Variants in INTS7 observed in about 807,000 individuals in gnomAD.
The protein encoded by INTS7 is integrator complex subunit 7, also known as chromosome 1 open reading frame 73.
In INTS7, 46 loss-of-function variants were observed where a neutral mutation model predicts 109.2. That is an observed-to-expected ratio of 0.42 (90% CI 0.33 to 0.54). The LOEUF is 0.54. Among genes scored for constraint, INTS7 ranks in the 20% least tolerant of loss-of-function variants. INTS7 has a pLI of 0.07. For synonymous variants in INTS7, 412 were observed against 402.9 expected (o/e 1.02, Z -0.27); for missense variants, 929 against 1,132.4 (o/e 0.82, Z 2.58).
At chr1:211,947,562 G>A (rs779979763) in intron 17 of INTS7, among the ~76,000 whole-genome samples, 3 of 152,104 alleles carry the variant, frequency 2.0e-5, no homozygotes, top group Non-Finnish European at 2.9e-5. Flanking sequence ...TTTCACGGGG[G>A]CACTAGCTGC....
chr1:211,946,825 C>T lies in INTS7; in HGVS notation c.2317-120G>A. On this transcript the variant is annotated intron_variant, in intron 17 of 19. Transcript: ENST00000366994. This position sits in a 1 kb window ranked among gnomAD's most constrained non-coding sequence, Gnocchi z 4.3. ...GATTATTACAAAGGTACATACCAAT[C>T]AAGAACTAGGCATCACATCCAGGAA... is the stretch of plus-strand genomic sequence containing the variant. The T allele has an allele frequency of 1.7e-6, 1 of 592,924 alleles. No homozygotes were observed. Among genetic ancestry groups the T allele is most frequent in the Non-Finnish European group, 2.9e-6 (1 of 342,152 alleles). The allele number at this position is 592,924 out of a possible 1,614,324, so 36.7% of individuals were successfully genotyped here.
intron 7 of INTS7, among the ~76,000 whole-genome samples, chr1:212,005,541 T>C (rs1313978005): frequency 6.6e-6 from 1 of 152,236 alleles, no homozygotes; most frequent in Non-Finnish European, 1.5e-5. Flanking sequence ...TCTGTATGTA[T>C]GATCTATCTC....
intron 8 of INTS7, among the ~76,000 whole-genome samples, chr1:211,986,618 G>A (rs1664905622): frequency 6.6e-6 from 1 of 152,030 alleles, no homozygotes; most frequent in Non-Finnish European, 1.5e-5. Flanking sequence ...TCTGTTACAG[G>A]GTACCAGACA....
intron 18 of INTS7, among the ~76,000 whole-genome samples, chr1:211,945,698 A>G (rs1662819055): frequency 6.6e-6 from 1 of 152,236 alleles, no homozygotes; most frequent in Non-Finnish European, 1.5e-5. Flanking sequence ...AAACATTTGC[A>G]TGGATGTAAA....
rs1662675684 is a variant in INTS7 at position 211,942,636 on chromosome 1, G to A, written c.2602-525C>T. On this transcript the variant is annotated intron_variant, in intron 19 of 19. Transcript: ENST00000366994. This position sits in a 1 kb window ranked among gnomAD's most constrained non-coding sequence, Gnocchi z 4.2. ...AGTCTGATTTTTATTACTTAATGTA[G>A]TGATTCCTTACTCCTTTAACAAATT... is the stretch of plus-strand genomic sequence containing the variant. 6.6e-6 allele frequency among the ~76,000 whole-genome samples: 1 copy of A among 152,168 alleles called. No individual in the cohort carries two copies.
intron 3 of INTS7, among the ~76,000 whole-genome samples, chr1:212,018,082 A>C (rs1666519113): frequency 1.3e-5 from 2 of 152,158 alleles, no homozygotes; most frequent in Admixed American, 6.5e-5. Flanking sequence ...AATGTTTACA[A>C]AACAGGTCCT....
At position 211,960,032 on chromosome 1, in the gene INTS7, G is replaced by T. The variant is rs576128596; in HGVS notation, c.2183+6398C>A. On this transcript the variant is annotated intron_variant, in intron 16 of 19. Coordinates refer to ENST00000366994, the MANE Select transcript of INTS7 (RefSeq NM_015434.4). ...TGGATCCTGCTGCCAACATCCTAAT[G>T]AAACGCCTTGGCTGGCACCACCCAT... Among the ~76,000 whole-genome samples, 28 of 152,298 alleles carry T rather than the reference G, an allele frequency of 1.8e-4. No individual in the cohort carries two copies. The South Asian group carries it at 5.8e-3, about 32-fold the overall frequency.
At chr1:211,983,245 A>G (rs569959580) in intron 8 of INTS7, among the ~76,000 whole-genome samples, 3 of 152,188 alleles carry the variant, frequency 2.0e-5, no homozygotes, top group Admixed American at 1.3e-4. Flanking sequence ...ACACACATTT[A>G]TACCTCATAT....
At chr1:212,012,257 TAGG>T (rs917623828) in intron 4 of INTS7, among the ~76,000 whole-genome samples, 8 of 151,528 alleles carry the variant, frequency 5.3e-5, no homozygotes, top group African/African-American at 1.9e-4. Flanking sequence ...GTGGTTATGG[TAGG>T]AGATTGGGGG....
At chr1:212,017,778 T>C (rs1018768993) in intron 3 of INTS7, among the ~76,000 whole-genome samples, 3 of 152,212 alleles carry the variant, frequency 2.0e-5, no homozygotes, top group African/African-American at 7.2e-5. Context: ...AACCTTCCAA[T>C]GTGACATGTA....
intron 16 of INTS7, among the ~76,000 whole-genome samples, chr1:211,961,743 G>C (rs1279047231): frequency 2.0e-5 from 3 of 152,036 alleles, no homozygotes; most frequent in Non-Finnish European, 4.4e-5. Flanking sequence ...CATTCTTAAA[G>C]AAAAGAAATT....
At chr1:211,944,647 T>A in intron 19 of INTS7, 137 bp downstream of exon 19, 1 of 685,344 alleles carries the variant, frequency 1.5e-6, no homozygotes, top group Non-Finnish European at 2.5e-6. Context: ...AGCCCCAATG[T>A]GGGCTTTTAA....
intron 1 of INTS7, 57 bp downstream of exon 1, chr1:212,035,287 G>C (rs1170235382): frequency 4.3e-6 from 5 of 1,163,400 alleles, no homozygotes; most frequent in Admixed American, 1.7e-5. Flanking sequence ...ACCACCACCT[G>C]GTGGCGCCAC....
chr1:211,948,846 T>G (rs1175250469), intron 17 of INTS7, among the ~76,000 whole-genome samples: 2 of 152,220 alleles, frequency 1.3e-5, no homozygotes, highest in African/African-American at 4.8e-5. Context: ...TAGCTGGGAT[T>G]ACAGGCATGC....
chr1:211,993,561 T>C (rs1023158311), intron 7 of INTS7, among the ~76,000 whole-genome samples: 4 of 151,340 alleles, frequency 2.6e-5, no homozygotes, highest in African/African-American at 9.7e-5. Context: ...GCGCCTGTAA[T>C]CCCAGCTACT....
intron 4 of INTS7, 168 bp from the exon 5 acceptor site, chr1:212,011,589 C>T (rs1666169020): frequency 1.7e-6 from 1 of 591,480 alleles, no homozygotes; most frequent in Admixed American, 3.4e-5. Context: ...AGAAACACAA[C>T]TAAAACAAAA....
chr1:211,952,255 G>A (rs1225290964), intron 17 of INTS7, among the ~76,000 whole-genome samples: 1 of 152,214 alleles, frequency 6.6e-6, no homozygotes, highest in Non-Finnish European at 1.5e-5. Flanking sequence ...TGATTCTAAT[G>A]TGTAGCCTGC....
In INTS7 at chr1:211,997,064, C is replaced by T. The variant is rs769966613; in HGVS notation, c.880-9061G>A. 1.5e-4 allele frequency among the ~76,000 whole-genome samples: 22 copies of T among 151,712 alleles called. 1 individual carries two copies. Among genetic ancestry groups the T allele is most frequent in the Non-Finnish European group, 2.5e-4 (17 of 67,918 alleles). Reference sequence around the variant, plus strand: ...AAAAATAAAAACCACTGATAAGATGCGGGATAAAAGACTACAAATTGGGTA... The same window carrying T: ...AAAAATAAAAACCACTGATAAGATGTGGGATAAAAGACTACAAATTGGGTA... On this transcript the variant is annotated intron_variant, in intron 7 of 19. Coordinates refer to ENST00000366994, the MANE Select transcript of INTS7 (RefSeq NM_015434.4).
At chr1:212,017,065 A>C in intron 3 of INTS7, 42 bp from the exon 4 acceptor site, 1 of 1,524,432 alleles carries the variant, frequency 6.6e-7, no homozygotes, top group Non-Finnish European at 8.8e-7. Flanking sequence ...GCATAAAATA[A>C]AGTCAAGGTC....
Sources: gnomAD v4.1 joint callset for allele counts (sites outside exome capture counted in the v4.1 genomes callset) on GRCh38, gnomAD v4.1.1 for gene constraint, Gnocchi (gnomAD v3.1) non-coding constraint, MANE v1.5 for transcripts, NCBI Gene and HGNC (gene_info 2026-07-23, HGNC 2026-07-21) for gene names.